The following GAS7 variants were observed in gnomAD, a reference collection of about 807,000 sequenced individuals.
GAS7 encodes growth arrest specific 7, also known as growth arrest-specific protein 7.
GAS7 carries 28 observed loss-of-function variants against 71.1 expected under a neutral mutation model. The ratio of observed to expected loss-of-function variants is 0.39; its 90% confidence interval spans 0.29 to 0.54. The LOEUF (loss-of-function observed/expected upper bound fraction) is 0.54. Among genes scored for constraint, GAS7 ranks in the 20% least tolerant of loss-of-function variants. The pLI is 0.62. For missense variants in GAS7, 436 were observed against 627.8 expected, an observed-to-expected ratio of 0.69 and a Z score of 3.27; for synonymous variants, 258 against 245.8, an observed-to-expected ratio of 1.05 and a Z score of -0.46.
At chr17:10,027,693 C>T (rs186290386) in intron 1 of GAS7, among the ~76,000 whole-genome samples, 15 of 152,292 alleles carry the variant, frequency 9.8e-5, no homozygotes, top group African/African-American at 2.4e-4. Context: ...CAGAACCTGC[C>T]GACACCTTGA....
At chr17:9,966,421 G>A (rs2069718255) in intron 4 of GAS7, among the ~76,000 whole-genome samples, 1 of 152,150 alleles carries the variant, frequency 6.6e-6, no homozygotes, top group African/African-American at 2.4e-5. Context: ...TTTCGTCACT[G>A]TAACCCTGAA....
chr17:9,982,861 G>GAAAGAAAGAAAGAAAGAAAGAAAGA (rs1555611388), intron 2 of GAS7, among the ~76,000 whole-genome samples: 1 of 143,984 alleles, frequency 6.9e-6, no homozygotes, highest in African/African-American at 2.6e-5. Flanking sequence ...AAGAAAGAAA[G>GAAAGAAAGAAAGAAAGAAAGAAAGA]AAAGAAAGCA....
chr17:10,155,987 A>G (rs774717413), intron 1 of GAS7, among the ~76,000 whole-genome samples: 1 of 152,174 alleles, frequency 6.6e-6, no homozygotes, highest in Non-Finnish European at 1.5e-5. Flanking sequence ...TCAGGTTCGA[A>G]GGGAATACAT....
rs2071457291 is a variant in GAS7, at chr17:10,005,188, T to TATGTGTGTGC, written c.304+14588_304+14589insGCACACACAT. On this transcript the variant is annotated intron_variant, in intron 2 of 13. Coordinates refer to ENST00000432992, the MANE Select transcript of GAS7 (RefSeq NM_201433.2). ...GCGCACGCATGCATGTATGTGTATG[T>TATGTGTGTGC]GCACGCATGCATGTGTGTGCATGTG... Among the ~76,000 whole-genome samples, 4 of 147,252 alleles carry TATGTGTGTGC rather than the reference T, an allele frequency of 2.7e-5. No individual in the cohort carries two copies. The South Asian group carries it at 6.4e-4, about 24-fold the overall frequency.
chr17:10,064,110 G>C (rs2073252356), intron 1 of GAS7, among the ~76,000 whole-genome samples: 1 of 152,208 alleles, frequency 6.6e-6, no homozygotes, highest in Non-Finnish European at 1.5e-5. Context: ...CGAAGTCCCA[G>C]CAGCGGCGGC....
chr17:9,987,650 TA>T (rs2070695110), intron 2 of GAS7, among the ~76,000 whole-genome samples: 1 of 152,264 alleles, frequency 6.6e-6, no homozygotes. Context: ...AGTGAATGAA[TA>T]ATTTGTAAAG....
At chr17:10,193,268 A>AAAAC (rs1465079722) in intron 1 of GAS7, among the ~76,000 whole-genome samples, 1 of 151,476 alleles carries the variant, frequency 6.6e-6, no homozygotes, top group Non-Finnish European at 1.5e-5. Flanking sequence ...GTCAAAAAAA[A>AAAAC]AAAAAAAAAA....
intron 2 of GAS7, among the ~76,000 whole-genome samples, chr17:10,011,924 G>A (rs1380152524): frequency 1.3e-5 from 2 of 149,230 alleles, no homozygotes; most frequent in South Asian, 2.1e-4. Context: ...TGTGTGGGCC[G>A]AGATTGCACC....
At chr17:9,925,725 TC>T in intron 10 of GAS7, 126 bp from the exon 11 acceptor site, 1 of 1,013,140 alleles carries the variant, frequency 9.9e-7, no homozygotes, top group Non-Finnish European at 1.5e-6. Context: ...GCCACAGTGG[TC>T]CAGAGAGGCC....
intron 1 of GAS7, among the ~76,000 whole-genome samples, chr17:10,090,942 T>C (rs922136038): frequency 2.0e-5 from 3 of 152,128 alleles, no homozygotes; most frequent in Non-Finnish European, 2.9e-5. Flanking sequence ...CAAATGTGGA[T>C]GAAACCAAGC....
intron 1 of GAS7, among the ~76,000 whole-genome samples, chr17:10,024,275 G>A (rs958112894): frequency 5.3e-5 from 8 of 152,102 alleles, no homozygotes; most frequent in Admixed American, 1.3e-4. Context: ...AAGAGCAGCC[G>A]GCCCCCAGGC....
At position 10,052,820 on chromosome 17, in the gene GAS7, C is replaced by A. The variant is rs185206563; in HGVS notation, c.184-32923G>T. On this transcript the variant is annotated intron_variant, in intron 1 of 13. Coordinates refer to ENST00000432992, the MANE Select transcript of GAS7 (RefSeq NM_201433.2). ...TTTCTCCTGGGCAATTTAGCCCCTG[C>A]CCCTGCCCAGCTTCTCCTCCCCCGT... 2.0e-3 allele frequency among the ~76,000 whole-genome samples: 302 copies of A among 152,310 alleles called. 1 individual carries two copies. Among genetic ancestry groups the A allele is most frequent in the African/African-American group, 7.0e-3 (289 of 41,580 alleles).
At chr17:9,947,318 C>T (rs1010571805) in intron 5 of GAS7, among the ~76,000 whole-genome samples, 3 of 152,182 alleles carry the variant, frequency 2.0e-5, no homozygotes, top group African/African-American at 4.8e-5. Context: ...CGCTTTTTCA[C>T]GACAGCGCTA....
chr17:9,924,243 A>C (rs1039674722), intron 11 of GAS7, among the ~76,000 whole-genome samples: 5 of 152,162 alleles, frequency 3.3e-5, no homozygotes, highest in African/African-American at 9.7e-5. Context: ...GTGTGATCAT[A>C]GTTCACCGCA....
chr17:10,128,753 GGGATTACA>G, intron 1 of GAS7, among the ~76,000 whole-genome samples: 1 of 151,454 alleles, frequency 6.6e-6, no homozygotes, highest in South Asian at 2.1e-4. Flanking sequence ...CCGAGTAGCT[GGGATTACA>G]GGCGCCCACC....
At chr17:9,984,639 G>C (rs978296884) in intron 2 of GAS7, among the ~76,000 whole-genome samples, 2 of 152,194 alleles carry the variant, frequency 1.3e-5, no homozygotes, top group Admixed American at 1.3e-4. Flanking sequence ...TTCATACGCT[G>C]AGTGACCTCT....
At chr17:10,013,339 G>A (rs1307295925) in intron 2 of GAS7, among the ~76,000 whole-genome samples, 1 of 152,186 alleles carries the variant, frequency 6.6e-6, no homozygotes, top group Non-Finnish European at 1.5e-5. Flanking sequence ...CACAGACTAA[G>A]ACAGTCTCCT....
At chr17:10,107,508 T>C (rs1437082192) in intron 1 of GAS7, among the ~76,000 whole-genome samples, 1 of 150,152 alleles carries the variant, frequency 6.7e-6, no homozygotes, top group East Asian at 2.0e-4. Context: ...GGTGGCGGGC[T>C]GGGCAGGAGA....
At chr17:10,133,116 T>TATATATATATATATATA (rs1319814933) in intron 1 of GAS7, among the ~76,000 whole-genome samples, 4 of 144,366 alleles carry the variant, frequency 2.8e-5, no homozygotes, top group African/African-American at 5.1e-5. Flanking sequence ...GATTATATAT[T>TATATATATATATATATA]TTTATATTTT....
Sources: gnomAD v4.1 joint callset for allele counts (sites outside exome capture counted in the v4.1 genomes callset) on GRCh38, gnomAD v4.1.1 for gene constraint, MANE v1.5 for transcripts, NCBI Gene and HGNC (gene_info 2026-07-23, HGNC 2026-07-21) for gene names.